ZNF804B: variants seen among roughly 807,000 people sequenced by gnomAD.
ZNF804B encodes zinc finger 804B.
In ZNF804B, 80 loss-of-function variants were observed where a neutral mutation model predicts 101.4. The observed-to-expected ratio is 0.79, with a 90% CI of 0.66 to 0.95. ZNF804B has a LOEUF of 0.95. ZNF804B is among the 40% of genes least tolerant of loss of function. The pLI is 0.00. For missense variants in ZNF804B, 1,673 were observed against 1,561.9 expected, an observed-to-expected ratio of 1.07 and a Z score of -1.20; for synonymous variants, 622 against 558.8, an observed-to-expected ratio of 1.11 and a Z score of -1.59.
rs770243088 is a variant in ZNF804B at position 89,218,272 on chromosome 7, T to C, written c.226T>C (p.Ser76Pro). Residue 76 changes from serine (S) to proline (P), a missense_variant, in exon 2 of 4, where the codon TCT becomes CCT. Coordinates refer to ENST00000333190, the MANE Select transcript of ZNF804B (RefSeq NM_181646.5). ...KHQEFDNHIN[S>P]YDHAHKQRLK... ...CCAGGAGTTTGACAATCATATTAAT[T>C]CTTATGACCATGCTCATAAGCAGGT... The C allele has an allele frequency of 6.2e-7, 1 of 1,613,508 alleles. No homozygotes were observed.
chr7:89,008,309 T>A (rs1315344917), intron 1 of ZNF804B, among the ~76,000 whole-genome samples: 1 of 152,110 alleles, frequency 6.6e-6, no homozygotes, highest in Non-Finnish European at 1.5e-5. Flanking sequence ...GAAGTCCTAC[T>A]CTGAATCATA....
At position 88,844,474 on chromosome 7, in the gene ZNF804B, A is replaced by G. The variant is rs10254143; in HGVS notation, c.108+84390A>G. Among the ~76,000 whole-genome samples, 323 of 152,288 alleles carry G rather than the reference A, an allele frequency of 2.1e-3. 3 individuals are homozygous for G. The highest frequency in any genetic ancestry group is 7.4e-3 in the African/African-American group (306 of 41,552). On this transcript the variant is annotated intron_variant, in intron 1 of 3. Transcript: ENST00000333190. Reference sequence around the variant, plus strand: ...TTCTTTGGCCTCATAGTATCATCCAATCTGTTTCTCTACTCCCTGTATTAT... The same window carrying G: ...TTCTTTGGCCTCATAGTATCATCCAGTCTGTTTCTCTACTCCCTGTATTAT...
At chr7:88,970,150 A>T (rs896794165) in intron 1 of ZNF804B, among the ~76,000 whole-genome samples, 15 of 151,522 alleles carry the variant, frequency 9.9e-5, no homozygotes, top group Admixed American at 5.9e-4. Context: ...TGCTGTTTTC[A>T]ATGACAGTAG....
chr7:89,035,608 A>T (rs1240965367), intron 1 of ZNF804B, among the ~76,000 whole-genome samples: 2 of 151,892 alleles, frequency 1.3e-5, no homozygotes, highest in East Asian at 3.8e-4. Context: ...CGAACTTTTG[A>T]TCAGTGTTTC....
At chr7:89,175,730 C>T (rs1489314757) in intron 1 of ZNF804B, among the ~76,000 whole-genome samples, 1 of 151,944 alleles carries the variant, frequency 6.6e-6, no homozygotes, top group East Asian at 1.9e-4. Flanking sequence ...TTTCTGTGTC[C>T]TTTTCAATAT....
chr7:88,949,698 G>A lies in ZNF804B; in HGVS notation c.108+189614G>A, dbSNP rs1562841419. Reference sequence around the variant, plus strand: ...CTTTCTGATTGTTGTTTGTAATACAGTCATGTGCTGCGTAAAGATGTTTTC... The same window carrying A: ...CTTTCTGATTGTTGTTTGTAATACAATCATGTGCTGCGTAAAGATGTTTTC... On this transcript the variant is annotated intron_variant, in intron 1 of 3. Coordinates refer to ENST00000333190, the MANE Select transcript of ZNF804B (RefSeq NM_181646.5). Among the ~76,000 whole-genome samples the A allele has an allele frequency of 2.6e-5, 4 of 151,838 alleles. No individual in the cohort carries two copies. In the South Asian group the frequency reaches 8.3e-4, roughly 31 times the overall value.
chr7:89,089,485 T>C (rs1789851734), intron 1 of ZNF804B, among the ~76,000 whole-genome samples: 1 of 152,046 alleles, frequency 6.6e-6, no homozygotes, highest in African/African-American at 2.4e-5. Context: ...TAGCCTCCTC[T>C]GTAAAATGGA....
At chr7:88,850,679 A>G (rs529077924) in intron 1 of ZNF804B, among the ~76,000 whole-genome samples, 10 of 152,224 alleles carry the variant, frequency 6.6e-5, no homozygotes, top group Middle Eastern at 3.4e-3. Flanking sequence ...TAAACATACT[A>G]TAGAGCAAAG....
chr7:88,906,095 T>C (rs1326904110), intron 1 of ZNF804B, among the ~76,000 whole-genome samples: 2 of 152,074 alleles, frequency 1.3e-5, no homozygotes, highest in Non-Finnish European at 2.9e-5. Context: ...GAAGATCTTT[T>C]GTATTTCTGT....
intron 1 of ZNF804B, among the ~76,000 whole-genome samples, chr7:89,184,583 T>C (rs968645131): frequency 6.6e-6 from 1 of 152,174 alleles, no homozygotes; most frequent in Non-Finnish European, 1.5e-5. Context: ...TGCATATGTT[T>C]CTCTTTTATT....
intron 1 of ZNF804B, among the ~76,000 whole-genome samples, chr7:88,896,708 T>G (rs186323410): frequency 1.3e-5 from 2 of 152,232 alleles, no homozygotes; most frequent in East Asian, 3.9e-4. Context: ...TTTGGCCAAA[T>G]AAATAATTGG....
At chr7:89,045,138 G>C (rs564207401) in intron 1 of ZNF804B, among the ~76,000 whole-genome samples, 2 of 152,350 alleles carry the variant, frequency 1.3e-5, no homozygotes, top group South Asian at 4.1e-4. Context: ...CATTGCTTCA[G>C]AGGGTGCAAG....
At chr7:88,994,482 T>C (rs567133741) in intron 1 of ZNF804B, among the ~76,000 whole-genome samples, 1 of 152,180 alleles carries the variant, frequency 6.6e-6, no homozygotes, top group East Asian at 1.9e-4. Flanking sequence ...CAAAAACTGA[T>C]GAATTCTTAG....
chr7:88,989,279 G>A (rs1793809887), intron 1 of ZNF804B, among the ~76,000 whole-genome samples: 1 of 151,968 alleles, frequency 6.6e-6, no homozygotes, highest in Admixed American at 6.6e-5. Context: ...TATTACCAGA[G>A]TTTTAAATTA....
chr7:89,079,781 T>A (rs1206331977), intron 1 of ZNF804B, among the ~76,000 whole-genome samples: 4 of 152,022 alleles, frequency 2.6e-5, no homozygotes, highest in Non-Finnish European at 4.4e-5. Context: ...GACTTGCCGA[T>A]ATCCAGGGGA....
At chr7:89,293,737 C>T (rs537664838) in intron 2 of ZNF804B, among the ~76,000 whole-genome samples, 4 of 151,070 alleles carry the variant, frequency 2.6e-5, no homozygotes, top group African/African-American at 4.9e-5. Flanking sequence ...TGCAGTGAGC[C>T]GAGATTGTGC....
chr7:88,854,505 T>TTCCCTTC, intron 1 of ZNF804B, among the ~76,000 whole-genome samples: 1 of 90,534 alleles, frequency 1.1e-5, no homozygotes, highest in Non-Finnish European at 2.0e-5. Context: ...TCCTTTCCTT[T>TTCCCTTC]CCTTTCCTTT....
chr7:89,013,667 G>T (rs1398283834), intron 1 of ZNF804B, among the ~76,000 whole-genome samples: 2 of 152,070 alleles, frequency 1.3e-5, no homozygotes, highest in Non-Finnish European at 2.9e-5. Context: ...TTAGCTATTT[G>T]AAATTATATA....
At chr7:89,236,664 T>A (rs1789286430) in intron 2 of ZNF804B, among the ~76,000 whole-genome samples, 1 of 152,102 alleles carries the variant, frequency 6.6e-6, no homozygotes, top group Non-Finnish European at 1.5e-5. Flanking sequence ...ATTATGTTTA[T>A]GTTTGAGAGA....
Sources: gnomAD v4.1 joint callset for allele counts (sites outside exome capture counted in the v4.1 genomes callset) on GRCh38, gnomAD v4.1.1 for gene constraint, MANE v1.5 for transcripts, NCBI Gene and HGNC (gene_info 2026-07-23, HGNC 2026-07-21) for gene names.